The following LEMD3 variants were observed in gnomAD, a reference collection of about 807,000 sequenced individuals.
LEMD3 encodes the protein LEM domain containing 3.
In LEMD3, 33 loss-of-function variants were observed where a neutral mutation model predicts 95.2. The ratio of observed to expected loss-of-function variants is 0.35; its 90% CI spans 0.26 to 0.46. The LOEUF is 0.46. LEMD3 is among the 20% of genes least tolerant of loss of function. LEMD3 has a pLI of 1.00. For synonymous variants in LEMD3, 525 were observed against 474.6 expected (o/e 1.11, Z -1.38); for missense variants, 1,210 against 1,192.8 (o/e 1.01, Z -0.21).
chr12:65,185,792 A>G lies in LEMD3; in HGVS notation c.1522+14674A>G, dbSNP rs78390263. 1.0e-3 allele frequency among the ~76,000 whole-genome samples: 154 copies of G among 152,038 alleles called. 3 individuals carry two copies. In the East Asian group the frequency reaches 0.027, roughly 27 times the overall value. ...TACCAGCTGGTAACCCCTTAATCTC[A>G]GAGGTGATTGTACAAGATCTTGATT... is the stretch of plus-strand genomic sequence containing the variant. On this transcript the variant is annotated intron_variant, in intron 1 of 12. Transcript: ENST00000308330.
rs1393609335 is a variant in LEMD3, at chr12:65,170,191, G to A, written c.595G>A (p.Ala199Thr). ...ERRKPHSWWGARRPAGPELQT... is the reference protein window; with the variant it reads ...ERRKPHSWWGTRRPAGPELQT... ...AAGGAAGCCCCACTCGTGGTGGGGGGCCAGGAGGCCGGCGGGCCCCGAGCT... is the reference window on the plus strand; with the variant it reads ...AAGGAAGCCCCACTCGTGGTGGGGGACCAGGAGGCCGGCGGGCCCCGAGCT... Residue 199 changes from alanine (A) to threonine (T), a missense_variant, in exon 1 of 13, where the codon GCC becomes ACC. Ala to Thr is a moderately conservative substitution (Grantham distance 58). Transcript: ENST00000308330. 7.3e-6 allele frequency: 11 copies of A among 1,503,904 alleles called. No homozygotes were observed. Among genetic ancestry groups the A allele is most frequent in the Middle Eastern group, 1.8e-4 (1 of 5,696 alleles). The allele number at this position is 1,503,904 out of a possible 1,614,324, so 93.2% of individuals were successfully genotyped here.
intron 1 of LEMD3, among the ~76,000 whole-genome samples, chr12:65,177,990 C>A (rs543128287): frequency 6.6e-6 from 1 of 151,992 alleles, no homozygotes; most frequent in South Asian, 2.1e-4. Flanking sequence ...GACTATAGAT[C>A]TGCATCACCA....
chr12:65,229,921 T>C (rs1870570604), intron 4 of LEMD3, among the ~76,000 whole-genome samples: 1 of 152,186 alleles, frequency 6.6e-6, no homozygotes, highest in Non-Finnish European at 1.5e-5. Flanking sequence ...TCCTCCTGTA[T>C]TATCTTTTAG....
At chr12:65,186,521 C>CTAG (rs1009446416) in intron 1 of LEMD3, among the ~76,000 whole-genome samples, 64 of 151,458 alleles carry the variant, frequency 4.2e-4, no homozygotes, top group African/African-American at 1.4e-3. Context: ...AAATGAGAAA[C>CTAG]TAGGATGATT....
intron 1 of LEMD3, among the ~76,000 whole-genome samples, chr12:65,186,175 A>G (rs1869055713): frequency 6.6e-6 from 1 of 152,090 alleles, no homozygotes; most frequent in African/African-American, 2.4e-5. Context: ...CTGAGATTCT[A>G]AGTCATAAAC....
At chr12:65,207,151 C>G (rs75936029) in intron 1 of LEMD3, among the ~76,000 whole-genome samples, 1 of 152,010 alleles carries the variant, frequency 6.6e-6, no homozygotes, top group South Asian at 2.1e-4. Context: ...TTATTCCTGG[C>G]GCGTATTAGG....
In LEMD3 at chr12:65,246,362, A is replaced by T. The variant is rs374013073; in HGVS notation, c.*37A>T. ...TCCATTTCTAAGACTGTTATTTACA[A>T]TAGGAAAATTCCTGTTTGGCTTTTT... is the stretch of plus-strand genomic sequence containing the variant. On this transcript the variant is annotated 3_prime_UTR_variant, in exon 13 of 13. Transcript: ENST00000308330. 17 of 1,532,510 alleles carry T rather than the reference A, an allele frequency of 1.1e-5. No individual in the cohort carries two copies. 94.9% of individuals were successfully genotyped at this position (1,532,510 alleles called of 1,614,324 possible).
chr12:65,169,773 C>T lies in LEMD3; in HGVS notation c.177C>T (p.Arg59=). 1 of 1,582,200 alleles carries T rather than the reference C, an allele frequency of 6.3e-7. No homozygotes were observed. The highest frequency in any genetic ancestry group is 8.6e-7 in the Non-Finnish European group (1 of 1,163,494). The change falls in exon 1 of 13, where the codon CGC becomes CGT. Residue 59 remains arginine, a synonymous_variant. Coordinates refer to ENST00000308330, the MANE Select transcript of LEMD3 (RefSeq NM_014319.5). ...EEQQQHRSGG[R]GNKTRNSNNN... ...AGCAACAGCACCGGTCAGGGGGCCG[C>T]GGCAACAAGACGCGGAACAGTAATA...
rs1254586820 is a variant in LEMD3, at chr12:65,246,196, T to A, written c.2607T>A (p.Asp869Glu). The change falls in exon 13 of 13, where the codon GAT (aspartate) becomes GAA (glutamate). Residue 869 changes from aspartate to glutamate, a missense_variant. Asp to Glu is a conservative substitution (Grantham distance 45). Coordinates refer to ENST00000308330, the MANE Select transcript of LEMD3 (RefSeq NM_014319.5). ...TTACAGTAAAATATTTACGACTAGA[T>A]AGATACCACCATCGCTTTCCCCAGG... ...KLVTVKYLRL[D>E]RYHHRFPQAL... 17 of 1,612,224 alleles carry A rather than the reference T, an allele frequency of 1.1e-5. No individual in the cohort carries two copies. The highest frequency in any genetic ancestry group is 5.0e-5 in the Admixed American group (3 of 59,988).
Position 65,240,964 on chromosome 12 carries a change from T to C in LEMD3, c.2182T>C (p.Ser728Pro). The C allele has an allele frequency of 1.2e-6, 2 of 1,614,004 alleles. No individual in the cohort carries two copies. Among genetic ancestry groups the C allele is most frequent in the Non-Finnish European group, 8.5e-7 (1 of 1,179,942 alleles). ...TGTTGACTTCCTTGCTGCTAATGAG[T>C]CTAGAGTTCGCACGGAAACACGAAG... is the stretch of plus-strand genomic sequence containing the variant. ...RAVDFLAANE[S>P]RVRTETRRIG... Residue 728 changes from serine (S) to proline (P), a missense_variant, in exon 9 of 13, where the codon TCT becomes CCT. Physicochemically the swap from Ser to Pro is moderately conservative, Grantham distance 74. Transcript: ENST00000308330.
In LEMD3 at chr12:65,240,713, CA is replaced by C. The variant is rs879874362; in HGVS notation, c.2127-195del. On this transcript the variant is annotated intron_variant, in intron 8 of 12. Transcript: ENST00000308330. Reference sequence around the variant, plus strand: ...GTGGAGCTTTTGGGGAAAAAAAATACAGATGTTTGTGCTCTAGCTCTGGAAA... The same window carrying C: ...GTGGAGCTTTTGGGGAAAAAAAATACGATGTTTGTGCTCTAGCTCTGGAAA... The C allele has an allele frequency of 2.8e-4, 168 of 597,222 alleles. 1 individual carries two copies. Among genetic ancestry groups the C allele is most frequent in the Middle Eastern group, 1.8e-3 (4 of 2,206 alleles). The allele number at this position is 597,222 out of a possible 1,614,324, so 37.0% of individuals were successfully genotyped here. A position where few individuals can be genotyped will look rare whatever the true frequency, so the allele number is the denominator to read the frequency against.
intron 9 of LEMD3, among the ~76,000 whole-genome samples, chr12:65,241,797 A>T (rs755574426): frequency 8.5e-5 from 13 of 152,216 alleles, no homozygotes; most frequent in Non-Finnish European, 1.9e-4. Flanking sequence ...CATGCAATAC[A>T]AAGTCCAGTC....
intron 8 of LEMD3, 105 bp from the exon 9 acceptor site, chr12:65,240,804 G>A (rs1870912270): frequency 4.1e-6 from 4 of 974,458 alleles, no homozygotes; most frequent in East Asian, 5.0e-5. Flanking sequence ...AACTCCATGA[G>A]TAGTGGTAAG....
intron 1 of LEMD3, among the ~76,000 whole-genome samples, chr12:65,202,533 G>T (rs796567299): frequency 1.3e-5 from 2 of 152,126 alleles, no homozygotes; most frequent in South Asian, 4.1e-4. Context: ...ATTCATGAGA[G>T]ATATTGGTCT....
chr12:65,229,407 A>T (rs907719748), intron 4 of LEMD3, among the ~76,000 whole-genome samples: 4 of 152,142 alleles, frequency 2.6e-5, no homozygotes, highest in African/African-American at 9.7e-5. Context: ...CAGTAGTGAG[A>T]TTGCTGGATC....
chr12:65,200,190 AT>A (rs1481103522), intron 1 of LEMD3, among the ~76,000 whole-genome samples: 1 of 152,054 alleles, frequency 6.6e-6, no homozygotes, highest in East Asian at 1.9e-4. Flanking sequence ...TAAGCCTCTG[AT>A]TGGTCACTTT....
intron 9 of LEMD3, among the ~76,000 whole-genome samples, chr12:65,241,381 T>C (rs1870935067): frequency 6.6e-6 from 1 of 151,642 alleles, no homozygotes; most frequent in Non-Finnish European, 1.5e-5. Flanking sequence ...TCATCTAATT[T>C]CTTTATGTAA....
intron 1 of LEMD3, among the ~76,000 whole-genome samples, chr12:65,186,631 C>CTTTTTT (rs36112519): frequency 2.5e-5 from 2 of 80,216 alleles, no homozygotes; most frequent in African/African-American, 4.5e-5. Context: ...GTTTAGATTG[C>CTTTTTT]TTTTTTTTTT....
chr12:65,186,215 AT>A (rs954893834), intron 1 of LEMD3, among the ~76,000 whole-genome samples: 37 of 150,230 alleles, frequency 2.5e-4, no homozygotes, highest in African/African-American at 6.1e-4. Flanking sequence ...GCCTCAAGAG[AT>A]TTTTTTTTTC....
Sources: gnomAD v4.1 joint callset for allele counts (sites outside exome capture counted in the v4.1 genomes callset) on GRCh38, gnomAD v4.1.1 for gene constraint, MANE v1.5 for transcripts, NCBI Gene and HGNC (gene_info 2026-07-23, HGNC 2026-07-21) for gene names.